Variants in CFAP299 observed in about 807,000 individuals in gnomAD.
CFAP299 encodes the protein cilia and flagella associated protein 299.
In CFAP299, 21 loss-of-function variants were observed where a neutral mutation model predicts 27.0. That is an observed-to-expected ratio of 0.78 (90% confidence interval 0.55 to 1.12). The LOEUF is 1.12. Ranked by LOEUF, CFAP299 falls within the 50% of genes most tolerant of loss-of-function variation. CFAP299 has a pLI of 0.00. For missense variants in CFAP299, 310 were observed against 276.6 expected, an observed-to-expected ratio of 1.12 and a Z score of -0.86; for synonymous variants, 104 against 98.1, an observed-to-expected ratio of 1.06 and a Z score of -0.36.
chr4:80,725,248 A>AC (rs1300181881), intron 3 of CFAP299, among the ~76,000 whole-genome samples: 1 of 149,528 alleles, frequency 6.7e-6, no homozygotes, highest in Admixed American at 6.7e-5. Flanking sequence ...GAGCCACCAC[A>AC]CCTGGCCTGC....
At chr4:80,429,033 A>G (rs1298777381) in intron 2 of CFAP299, among the ~76,000 whole-genome samples, 4 of 152,190 alleles carry the variant, frequency 2.6e-5, no homozygotes, top group Non-Finnish European at 5.9e-5. Context: ...TGACAAGTTC[A>G]CACAATGTAT....
chr4:80,708,391 A>G (rs1225109230), intron 3 of CFAP299, among the ~76,000 whole-genome samples: 1 of 151,940 alleles, frequency 6.6e-6, no homozygotes, highest in Non-Finnish European at 1.5e-5. Flanking sequence ...TTCCAGATTC[A>G]TTCTGCTTTA....
At chr4:80,553,251 T>G (rs1601509) in intron 2 of CFAP299, among the ~76,000 whole-genome samples, 11,684 of 152,188 alleles carry the variant, frequency 0.077, 511 homozygotes, top group Non-Finnish European at 0.093. Context: ...AGTATTTGGT[T>G]TTCTGTTGCT....
chr4:80,382,965 T>C (rs1724783980), intron 2 of CFAP299, among the ~76,000 whole-genome samples: 1 of 152,040 alleles, frequency 6.6e-6, no homozygotes. Context: ...ATAAAGAAAA[T>C]GTGGTACATA....
upstream of CFAP299, among the ~76,000 whole-genome samples, chr4:80,335,038 A>C (rs1722069315): frequency 6.6e-6 from 1 of 152,248 alleles, no homozygotes; most frequent in Admixed American, 6.5e-5. Flanking sequence ...TATTTTAAAA[A>C]CACAATACTG....
At chr4:80,731,080 T>C (rs1723494548) in intron 3 of CFAP299, among the ~76,000 whole-genome samples, 1 of 152,248 alleles carries the variant, frequency 6.6e-6, no homozygotes, top group Admixed American at 6.5e-5. Flanking sequence ...TATCTAATGC[T>C]ATGTGCCTGT....
In CFAP299 at chr4:80,390,720, C is replaced by CATATATGTATATATGTATATATGTATAT. The variant is rs1208322596; in HGVS notation, c.242+27839_242+27840insTATGTATATATGTATATATGTATATATA. On this transcript the variant is annotated intron_variant, in intron 2 of 5. Transcript: ENST00000358105. Reference sequence around the variant, plus strand: ...GTATATATGTATATATGTATACACACATACATGTATATATGTATATATGTA... The same window carrying CATATATGTATATATGTATATATGTATAT: ...GTATATATGTATATATGTATACACACATATATGTATATATGTATATATGTATATATACATGTATATATGTATATATGTA... Among the ~76,000 whole-genome samples the CATATATGTATATATGTATATATGTATAT allele has an allele frequency of 3.6e-3, 493 of 138,110 alleles. 17 individuals are homozygous for CATATATGTATATATGTATATATGTATAT. The highest frequency in any genetic ancestry group is 0.012 in the African/African-American group (447 of 35,848). 90.6% of individuals were successfully genotyped at this position (138,110 alleles called of 152,430 possible). A position where few individuals can be genotyped will look rare whatever the true frequency, so the allele number is the denominator to read the frequency against.
rs74634422 is a variant in CFAP299 at position 80,854,451 on chromosome 4, T to C, written c.334-15542T>C. Among the ~76,000 whole-genome samples, 911 of 151,588 alleles carry C rather than the reference T, an allele frequency of 6.0e-3. 13 individuals are homozygous for C. Among genetic ancestry groups the C allele is most frequent in the African/African-American group, 0.021 (873 of 41,360 alleles). Reference sequence around the variant, plus strand: ...TTAATAGTAATGAACTTACACAAGGTAAATAAATCAATTATTTGAAAGTAA... The same window carrying C: ...TTAATAGTAATGAACTTACACAAGGCAAATAAATCAATTATTTGAAAGTAA... On this transcript the variant is annotated intron_variant, in intron 3 of 5. Coordinates refer to ENST00000358105, the MANE Select transcript of CFAP299 (RefSeq NM_152770.3).
intron 2 of CFAP299, among the ~76,000 whole-genome samples, chr4:80,378,507 G>A (rs955109465): frequency 6.6e-6 from 1 of 151,560 alleles, no homozygotes; most frequent in Non-Finnish European, 1.5e-5. Flanking sequence ...TAAGAAGAAA[G>A]CATTCTCTCA....
Position 80,843,179 on chromosome 4 carries a change from C to T in CFAP299, c.334-26814C>T, listed in dbSNP as rs560309841. Reference sequence around the variant, plus strand: ...ATGTGCCATGTTGCTGTGCTGCACCCATTAACTCGTCGTTTACATTAGGTA... The same window carrying T: ...ATGTGCCATGTTGCTGTGCTGCACCTATTAACTCGTCGTTTACATTAGGTA... On this transcript the variant is annotated intron_variant, in intron 3 of 5. Transcript: ENST00000358105. Among the ~76,000 whole-genome samples, 5 of 152,118 alleles carry T rather than the reference C, an allele frequency of 3.3e-5. No homozygotes were observed. The East Asian group carries it at 9.7e-4, about 29-fold the overall frequency.
At chr4:80,756,302 A>G (rs990454127) in intron 3 of CFAP299, among the ~76,000 whole-genome samples, 1 of 152,104 alleles carries the variant, frequency 6.6e-6, no homozygotes, top group African/African-American at 2.4e-5. Flanking sequence ...CTTTATAAAA[A>G]CTTACTGTGT....
chr4:80,505,998 G>C (rs544309594), intron 2 of CFAP299, among the ~76,000 whole-genome samples: 2 of 148,808 alleles, frequency 1.3e-5, no homozygotes, highest in Admixed American at 6.7e-5. Context: ...ACGTGTGTGC[G>C]TGTAAATATA....
At chr4:80,671,372 A>AAAAC (rs1159440778) in intron 3 of CFAP299, among the ~76,000 whole-genome samples, 1 of 152,186 alleles carries the variant, frequency 6.6e-6, no homozygotes, top group East Asian at 1.9e-4. Flanking sequence ...TACCAGTACC[A>AAAAC]TGCTGTTTTG....
chr4:80,728,808 T>C (rs1001123456), intron 3 of CFAP299, among the ~76,000 whole-genome samples: 1 of 152,188 alleles, frequency 6.6e-6, no homozygotes, highest in Non-Finnish European at 1.5e-5. Context: ...GCTGTCAATG[T>C]GGTCTCTATG....
intron 3 of CFAP299, among the ~76,000 whole-genome samples, chr4:80,745,934 G>A (rs182849971): frequency 1.4e-3 from 218 of 152,140 alleles, no homozygotes; most frequent in Non-Finnish European, 2.0e-3. Flanking sequence ...TTTGTCTGAC[G>A]TGTTTCTTGA....
chr4:80,446,511 A>T (rs2110091694), intron 2 of CFAP299, among the ~76,000 whole-genome samples: 1 of 152,288 alleles, frequency 6.6e-6, no homozygotes, highest in Non-Finnish European at 1.5e-5. Context: ...CCATAATTCT[A>T]TCCTCTACTT....
intron 3 of CFAP299, among the ~76,000 whole-genome samples, chr4:80,631,774 G>T (rs1282370361): frequency 7.0e-6 from 1 of 142,986 alleles, no homozygotes; most frequent in Non-Finnish European, 1.5e-5. Flanking sequence ...AATAATAAAA[G>T]AATTTTGGAA....
Position 80,452,275 on chromosome 4 carries a change from A to G in CFAP299, c.242+89391A>G, listed in dbSNP as rs553527327. Among the ~76,000 whole-genome samples the G allele has an allele frequency of 9.2e-5, 14 of 152,144 alleles. No individual in the cohort carries two copies. The South Asian group carries it at 2.9e-3, about 32-fold the overall frequency. ...TCGGTGTCTTTCAATCCATTACATC[A>G]TTCTGTTACGACCAACAGGCCTTCA... is the stretch of plus-strand genomic sequence containing the variant. On this transcript the variant is annotated intron_variant, in intron 2 of 5. Transcript: ENST00000358105.
intron 5 of CFAP299, among the ~76,000 whole-genome samples, chr4:80,959,204 G>C (rs944809439): frequency 6.6e-6 from 1 of 152,030 alleles, no homozygotes; most frequent in African/African-American, 2.4e-5. Flanking sequence ...TCAAAAAATG[G>C]ATGAAAATAA....
Sources: gnomAD v4.1 joint callset for allele counts (sites outside exome capture counted in the v4.1 genomes callset) on GRCh38, gnomAD v4.1.1 for gene constraint, MANE v1.5 for transcripts, NCBI Gene and HGNC (gene_info 2026-07-23, HGNC 2026-07-21) for gene names.